The following MEI4 variants were observed in gnomAD, a reference collection of about 807,000 sequenced individuals.
The protein encoded by MEI4 is meiotic double-stranded break formation protein 4.
In MEI4, 27 loss-of-function variants were observed where a neutral mutation model predicts 31.4. That is an observed-to-expected ratio of 0.86 (90% CI 0.63 to 1.19). The LOEUF is 1.19. Among genes scored for constraint, MEI4 ranks in the 50% most tolerant of loss-of-function variants. The pLI is 0.00. For synonymous variants in MEI4, 122 were observed against 145.4 expected (o/e 0.84, Z 1.16); for missense variants, 329 against 398.9 (o/e 0.82, Z 1.49).
chr6:77,876,862 C>T (rs1771353827), intron 4 of MEI4, among the ~76,000 whole-genome samples: 1 of 151,862 alleles, frequency 6.6e-6, no homozygotes, highest in African/African-American at 2.4e-5. Flanking sequence ...CAGGCAGTAC[C>T]TCTCAAATTA....
At chr6:77,843,090 T>TA (rs10710679) in intron 4 of MEI4, among the ~76,000 whole-genome samples, 41 of 143,914 alleles carry the variant, frequency 2.8e-4, no homozygotes, top group Middle Eastern at 3.6e-3. Context: ...TTACTATTAT[T>TA]AAAAAAAAAA....
intron 4 of MEI4, among the ~76,000 whole-genome samples, chr6:77,920,650 C>G (rs947846425): frequency 3.1e-4 from 47 of 151,996 alleles, no homozygotes; most frequent in African/African-American, 1.1e-3. Context: ...GAATCAATAT[C>G]CATGTTAGCT....
chr6:77,782,809 A>C (rs1407416561), intron 3 of MEI4, among the ~76,000 whole-genome samples: 3 of 152,186 alleles, frequency 2.0e-5, no homozygotes, highest in Non-Finnish European at 4.4e-5. Context: ...TGAATGAATA[A>C]CTTAATAGAT....
chr6:77,663,475 G>A (rs1432775946), intron 1 of MEI4, among the ~76,000 whole-genome samples: 4 of 152,272 alleles, frequency 2.6e-5, no homozygotes, highest in Admixed American at 1.3e-4. Context: ...AGATATAGCT[G>A]TAGTCCAGGA....
intron 1 of MEI4, among the ~76,000 whole-genome samples, chr6:77,667,093 G>A (rs1435247594): frequency 1.3e-5 from 2 of 152,156 alleles, no homozygotes; most frequent in South Asian, 2.1e-4. Context: ...CTTGTTAACT[G>A]CATAGTCTTG....
intron 4 of MEI4, among the ~76,000 whole-genome samples, chr6:77,853,791 G>A (rs990990535): frequency 3.9e-5 from 6 of 152,280 alleles, no homozygotes; most frequent in African/African-American, 1.4e-4. Context: ...ATAATGAGAG[G>A]TCTAGGAAGT....
intron 3 of MEI4, among the ~76,000 whole-genome samples, chr6:77,799,119 A>T (rs1427385440): frequency 2.6e-5 from 4 of 152,132 alleles, no homozygotes; most frequent in Non-Finnish European, 4.4e-5. Context: ...GCAGTGTCAA[A>T]GTGTTCCTAT....
At chr6:77,750,143 C>T (rs1214213249) in intron 2 of MEI4, among the ~76,000 whole-genome samples, 1 of 152,132 alleles carries the variant, frequency 6.6e-6, no homozygotes, top group Admixed American at 6.6e-5. Flanking sequence ...AAAGGAACAA[C>T]CGGTACCAGT....
intron 3 of MEI4, among the ~76,000 whole-genome samples, chr6:77,803,545 A>G (rs546144755): frequency 1.7e-4 from 26 of 152,130 alleles, no homozygotes; most frequent in African/African-American, 4.8e-4. Context: ...GAGAAGAGGC[A>G]CTCTGATTTT....
chr6:77,712,237 T>A (rs1292885017), intron 2 of MEI4, among the ~76,000 whole-genome samples: 1 of 152,202 alleles, frequency 6.6e-6, no homozygotes, highest in East Asian at 1.9e-4. Context: ...TACACTAAAA[T>A]CTTGTGGCAT....
chr6:77,744,693 G>A (rs1207230030), intron 2 of MEI4, among the ~76,000 whole-genome samples: 1 of 152,148 alleles, frequency 6.6e-6, no homozygotes, highest in African/African-American at 2.4e-5. Flanking sequence ...TGAAATGAAG[G>A]AAAAATTGTT....
At chr6:77,848,815 A>G (rs150242072) in intron 4 of MEI4, among the ~76,000 whole-genome samples, 3 of 152,298 alleles carry the variant, frequency 2.0e-5, no homozygotes, top group African/African-American at 7.2e-5. Flanking sequence ...TAACCAATTT[A>G]TTTTGAATAT....
At chr6:77,804,368 T>A (rs1769370947) in intron 3 of MEI4, among the ~76,000 whole-genome samples, 1 of 152,142 alleles carries the variant, frequency 6.6e-6, no homozygotes, top group African/African-American at 2.4e-5. Context: ...TTTCTTTGAT[T>A]AGGAAAGGGA....
Position 77,899,315 on chromosome 6 carries a change from A to G in MEI4, c.901-23774A>G, listed in dbSNP as rs544960411. Among the ~76,000 whole-genome samples the G allele has an allele frequency of 2.6e-5, 4 of 152,176 alleles. No individual in the cohort carries two copies. The South Asian group carries it at 8.3e-4, about 32-fold the overall frequency. ...AAACTGGAGTCTGTTGATGAGGAAGAAGGAGAAATGGATATGGCTTACTAT... is the reference window on the plus strand; with the variant it reads ...AAACTGGAGTCTGTTGATGAGGAAGGAGGAGAAATGGATATGGCTTACTAT... On this transcript the variant is annotated intron_variant, in intron 4 of 4. Transcript: ENST00000684080.
At chr6:77,912,629 C>T (rs1766457766) in intron 4 of MEI4, among the ~76,000 whole-genome samples, 4 of 152,000 alleles carry the variant, frequency 2.6e-5, no homozygotes, top group South Asian at 4.1e-4. Flanking sequence ...TTATTAGTGT[C>T]TAGAAATTCT....
chr6:77,799,173 A>G (rs1769172439), intron 3 of MEI4, among the ~76,000 whole-genome samples: 1 of 151,914 alleles, frequency 6.6e-6, no homozygotes, highest in Non-Finnish European at 1.5e-5. Context: ...TGACTTTTTA[A>G]TGATTGCCAT....
At chr6:77,874,750 G>A (rs374644715) in intron 4 of MEI4, among the ~76,000 whole-genome samples, 49 of 152,164 alleles carry the variant, frequency 3.2e-4, no homozygotes, top group African/African-American at 1.1e-3. Flanking sequence ...GTTTGTCATA[G>A]ATAGCTCTTA....
intron 2 of MEI4, among the ~76,000 whole-genome samples, chr6:77,697,593 A>T (rs1391387977): frequency 2.0e-5 from 3 of 152,144 alleles, no homozygotes; most frequent in Non-Finnish European, 2.9e-5. Context: ...GAGTTTCTTA[A>T]TCCTGAGTTC....
intron 2 of MEI4, among the ~76,000 whole-genome samples, chr6:77,711,034 C>G (rs1766453602): frequency 6.6e-6 from 1 of 152,078 alleles, no homozygotes; most frequent in Admixed American, 6.6e-5. Context: ...ATGAGATCAG[C>G]TTTTTTAGAT....
Sources: gnomAD v4.1 joint callset for allele counts (sites outside exome capture counted in the v4.1 genomes callset) on GRCh38, gnomAD v4.1.1 for gene constraint, MANE v1.5 for transcripts, NCBI Gene and HGNC (gene_info 2026-07-23, HGNC 2026-07-21) for gene names.